RXFP1: variants seen among roughly 807,000 people sequenced by gnomAD.
The protein encoded by RXFP1 is relaxin receptor 1.
Under a neutral mutation model 89.8 loss-of-function variants are expected in RXFP1, and 73 were observed. The observed-to-expected ratio is 0.81, with a 90% CI of 0.67 to 0.99. The LOEUF (loss-of-function observed/expected upper bound fraction) is 0.99, where lower values mean the gene tolerates loss of function less well. RXFP1 is among the 50% of genes least tolerant of loss of function. The pLI is 0.00. For synonymous variants in RXFP1, 277 were observed against 305.5 expected (o/e 0.91, Z 0.97); for missense variants, 793 against 895.5 (o/e 0.89, Z 1.46).
rs536499574 is a variant in RXFP1 at position 158,615,883 on chromosome 4, T to G, written c.681-1248T>G. On this transcript the variant is annotated intron_variant, in intron 8 of 17. Coordinates refer to ENST00000307765, the MANE Select transcript of RXFP1 (RefSeq NM_021634.4). Reference sequence around the variant, plus strand: ...AGGAGAATCACCTGAGCTCAGGAGTTTGAGGCTGCAGTGCACCATGGTCGC... The same window carrying G: ...AGGAGAATCACCTGAGCTCAGGAGTGTGAGGCTGCAGTGCACCATGGTCGC... Among the ~76,000 whole-genome samples the G allele has an allele frequency of 2.6e-5, 4 of 151,888 alleles. No individual in the cohort carries two copies. The East Asian group carries it at 7.8e-4, about 30-fold the overall frequency.
chr4:158,601,215 T>A (rs573261895), intron 4 of RXFP1, among the ~76,000 whole-genome samples: 1 of 152,102 alleles, frequency 6.6e-6, no homozygotes, highest in East Asian at 1.9e-4. Flanking sequence ...TTTCAACCCC[T>A]GGTATAAACA....
chr4:158,619,821 A>G (rs1472749754), intron 9 of RXFP1, among the ~76,000 whole-genome samples: 1 of 151,976 alleles, frequency 6.6e-6, no homozygotes, highest in African/African-American at 2.4e-5. Context: ...CAGGGTACCA[A>G]CAAAAAAAAA....
chr4:158,620,479 G>C (rs1411930452), intron 9 of RXFP1, among the ~76,000 whole-genome samples: 1 of 152,024 alleles, frequency 6.6e-6, no homozygotes, highest in East Asian at 1.9e-4. Context: ...AATCCATGCA[G>C]AAGTCAAGAA....
chr4:158,559,700 G>A (rs895900911), intron 1 of RXFP1, among the ~76,000 whole-genome samples: 4 of 152,140 alleles, frequency 2.6e-5, no homozygotes, highest in South Asian at 4.2e-4. Flanking sequence ...ATGGTATCAC[G>A]CAAACTAGGA....
At chr4:158,649,073 A>C (rs562527999) in intron 17 of RXFP1, among the ~76,000 whole-genome samples, 2 of 150,602 alleles carry the variant, frequency 1.3e-5, no homozygotes, top group Non-Finnish European at 3.0e-5. Context: ...AAATTGCACC[A>C]CTACACTCCA....
chr4:158,567,887 T>C (rs1240246720), intron 1 of RXFP1, among the ~76,000 whole-genome samples: 1 of 152,200 alleles, frequency 6.6e-6, no homozygotes, highest in Non-Finnish European at 1.5e-5. Flanking sequence ...GGCAACCCGC[T>C]CGGGTCTCCT....
intron 9 of RXFP1, among the ~76,000 whole-genome samples, chr4:158,620,530 T>C (rs962679839): frequency 5.3e-5 from 8 of 151,930 alleles, no homozygotes; most frequent in African/African-American, 1.9e-4. Flanking sequence ...AAACCAAAGA[T>C]AAAGAAAAGT....
At chr4:158,525,270 G>A (rs1742224056) in intron 1 of RXFP1, among the ~76,000 whole-genome samples, 1 of 151,368 alleles carries the variant, frequency 6.6e-6, no homozygotes, top group African/African-American at 2.4e-5. Context: ...TGGGGCATGA[G>A]TGCAATTTGG....
intron 10 of RXFP1, 34 bp from the exon 11 acceptor site, chr4:158,628,604 A>C (rs1767395018): frequency 9.4e-7 from 1 of 1,065,498 alleles, no homozygotes; most frequent in African/African-American, 1.6e-5. Flanking sequence ...GGTTACCTAA[A>C]GAAGTTACAA....
rs772912630 is a variant in RXFP1, at chr4:158,648,721, C to T, written c.1975+4C>T. ...CTGCTTCAGGTAGAAATACCAGGTACAATATTTTTTAATCTCCTTAAAGAA... is the reference window on the plus strand; with the variant it reads ...CTGCTTCAGGTAGAAATACCAGGTATAATATTTTTTAATCTCCTTAAAGAA... On this transcript the variant is annotated splice_donor_region_variant and intron_variant, in intron 17 of 17. Coordinates refer to ENST00000307765, the MANE Select transcript of RXFP1 (RefSeq NM_021634.4). 3.3e-6 allele frequency: 5 copies of T among 1,523,376 alleles called. No individual in the cohort carries two copies. Among genetic ancestry groups the T allele is most frequent in the Admixed American group, 3.8e-5 (2 of 53,316 alleles). 94.4% of individuals were successfully genotyped at this position (1,523,376 alleles called of 1,614,324 possible).
At chr4:158,571,967 A>G (rs1353969884) in intron 1 of RXFP1, among the ~76,000 whole-genome samples, 1 of 152,206 alleles carries the variant, frequency 6.6e-6, no homozygotes, top group Non-Finnish European at 1.5e-5. Context: ...GGTAGAAGCC[A>G]CATTTGCATA....
intron 8 of RXFP1, 107 bp from the exon 9 acceptor site, chr4:158,617,023 TA>T: frequency 1.4e-6 from 1 of 700,426 alleles, no homozygotes; most frequent in East Asian, 3.0e-5. Context: ...AAAAAACAAC[TA>T]ATTTAGTGGA....
At chr4:158,649,946 A>G (rs776683359) in intron 17 of RXFP1, among the ~76,000 whole-genome samples, 1 of 152,276 alleles carries the variant, frequency 6.6e-6, no homozygotes, top group East Asian at 1.9e-4. Context: ...ACCCATGTTC[A>G]TTGCAGCATT....
chr4:158,548,387 G>T (rs1011485869), intron 1 of RXFP1, among the ~76,000 whole-genome samples: 30 of 152,100 alleles, frequency 2.0e-4, no homozygotes, highest in African/African-American at 7.2e-4. Context: ...ACACTGATGG[G>T]TCTGGACTCT....
At position 158,592,941 on chromosome 4, in the gene RXFP1, A is replaced by C. The variant is rs113121383; in HGVS notation, c.188-460A>C. Among the ~76,000 whole-genome samples the C allele has an allele frequency of 1.0e-3, 158 of 151,714 alleles. 1 individual carries two copies. The highest frequency in any genetic ancestry group is 1.9e-3 in the Admixed American group (29 of 15,258). On this transcript the variant is annotated intron_variant, in intron 2 of 17. Transcript: ENST00000307765. The stretch of plus-strand genomic sequence containing the variant: ...CATCTCTACTAAAAAAAAAAAAATT[A>C]ACCAGATGTGGTGTCAAGTTCCCGT...
chr4:158,622,113 C>T (rs1262992991), intron 9 of RXFP1, among the ~76,000 whole-genome samples: 2 of 152,162 alleles, frequency 1.3e-5, no homozygotes, highest in East Asian at 3.8e-4. Context: ...GAGTTCGAGG[C>T]CAGCCTGGCC....
chr4:158,626,847 T>A lies in RXFP1; in HGVS notation c.783T>A (p.Asn261Lys). The A allele has an allele frequency of 1.3e-6, 2 of 1,566,324 alleles. No individual in the cohort carries two copies. Among genetic ancestry groups the A allele is most frequent in the Non-Finnish European group, 1.7e-6 (2 of 1,149,042 alleles). Residue 261 changes from asparagine (N) to lysine (K), a missense_variant, in exon 10 of 18, where the codon AAT becomes AAA. By Grantham distance (94) the Asn-to-Lys change is moderately conservative. Transcript: ENST00000307765. ...WLDLEGNHIHNLRNLTFISCS... is the reference protein window; with the variant it reads ...WLDLEGNHIHKLRNLTFISCS... ...ACCTTGAAGGCAACCATATCCATAATTTAAGAAATTTGACTTTTATTTCCT... is the reference window on the plus strand; with the variant it reads ...ACCTTGAAGGCAACCATATCCATAAATTAAGAAATTTGACTTTTATTTCCT...
chr4:158,544,090 G>C (rs1251682189), intron 1 of RXFP1: 20 of 980,570 alleles, frequency 2.0e-5, no homozygotes, highest in Non-Finnish European at 2.4e-5. Flanking sequence ...GAACTAACAA[G>C]AGAACCATCT....
At chr4:158,618,442 A>G (rs1483997141) in intron 9 of RXFP1, among the ~76,000 whole-genome samples, 1 of 152,048 alleles carries the variant, frequency 6.6e-6, no homozygotes, top group Non-Finnish European at 1.5e-5. Context: ...AAAAATTAAA[A>G]TTAAAAATAT....
Sources: allele counts gnomAD v4.1 joint callset (sites outside exome capture counted in the v4.1 genomes callset), GRCh38; gene constraint gnomAD v4.1.1; transcripts MANE v1.5; gene names NCBI Gene and HGNC (gene_info 2026-07-23, HGNC 2026-07-21).